TMEM245: variants seen among roughly 807,000 people sequenced by gnomAD.
TMEM245 encodes the protein transmembrane protein 245.
In TMEM245, 69 loss-of-function variants were observed where a neutral mutation model predicts 101.2. The ratio of observed to expected loss-of-function variants is 0.68; its 90% CI spans 0.56 to 0.83. The LOEUF (loss-of-function observed/expected upper bound fraction) is 0.83, where lower values mean the gene tolerates loss of function less well. Ranked by LOEUF, TMEM245 falls within the 40% of genes least tolerant of loss-of-function variation. TMEM245 has a pLI of 0.00. For synonymous variants in TMEM245, 537 were observed against 449.8 expected, an observed-to-expected ratio of 1.19 and a Z score of -2.45; for missense variants, 1,075 against 1,092.8, an observed-to-expected ratio of 0.98 and a Z score of 0.23.
chr9:109,057,829 C>T (rs1044720796), intron 11 of TMEM245, among the ~76,000 whole-genome samples: 2 of 151,800 alleles, frequency 1.3e-5, no homozygotes, highest in African/African-American at 2.4e-5. Context: ...TTCTAGGTAC[C>T]TTGTCTAAGT....
intron 16 of TMEM245, among the ~76,000 whole-genome samples, chr9:109,035,853 T>A (rs1828102073): frequency 6.6e-6 from 1 of 151,066 alleles, no homozygotes; most frequent in African/African-American, 2.4e-5. Flanking sequence ...GGAGGACTGC[T>A]TGAGCCTAGG....
intron 1 of TMEM245, among the ~76,000 whole-genome samples, chr9:109,117,340 A>G (rs1442591380): frequency 6.7e-6 from 1 of 148,194 alleles, no homozygotes; most frequent in African/African-American, 2.5e-5. Flanking sequence ...CTGGTCTTGA[A>G]CTCCTAACCT....
At chr9:109,022,870 C>T (rs1035537552) in intron 17 of TMEM245, among the ~76,000 whole-genome samples, 14 of 152,238 alleles carry the variant, frequency 9.2e-5, no homozygotes, top group African/African-American at 3.4e-4. Flanking sequence ...TCCCTGACAT[C>T]TTTTCAAATT....
rs1444723320 is a variant in TMEM245, at chr9:109,060,434, C to T, written c.1642G>A (p.Asp548Asn). ...ATTACAGCAGTATTGTTCACCTTAT[C>T]TCCTAGAATTTTATGGAGCTAGAAA... ...ITHKLHKILG[D>N]KVNNTAVIEK... is the part of the protein sequence containing the mutation. Residue 548 changes from aspartate (D) to asparagine (N), a missense_variant, in exon 11 of 18, where the codon GAT becomes AAT. Around this residue, in one of 2 missense-constraint regions of TMEM245, gnomAD observed 808 missense variants for 741.5 expected, o/e 1.09. Transcript: ENST00000374586. 6.2e-7 allele frequency: 1 copy of T among 1,612,662 alleles called. No homozygotes were observed. Among genetic ancestry groups the T allele is most frequent in the Admixed American group, 1.7e-5 (1 of 59,882 alleles).
At chr9:109,063,169 G>C (rs1829066129) in intron 10 of TMEM245, among the ~76,000 whole-genome samples, 1 of 151,818 alleles carries the variant, frequency 6.6e-6, no homozygotes, top group African/African-American at 2.4e-5. Context: ...TCTGAGAGTA[G>C]AGTGCAGTGG....
At chr9:109,088,154 T>A (rs1381939733) in intron 5 of TMEM245, among the ~76,000 whole-genome samples, 1 of 152,200 alleles carries the variant, frequency 6.6e-6, no homozygotes, top group Non-Finnish European at 1.5e-5. Context: ...GTACATAATT[T>A]CCCTAACTCT....
intron 7 of TMEM245, among the ~76,000 whole-genome samples, chr9:109,084,650 C>A (rs1282215401): frequency 6.6e-6 from 1 of 152,314 alleles, no homozygotes; most frequent in East Asian, 1.9e-4. Context: ...ACTGCTCCAG[C>A]CTGAGCAACG....
chr9:109,079,957 G>C (rs1362897786), intron 8 of TMEM245, among the ~76,000 whole-genome samples: 1 of 152,108 alleles, frequency 6.6e-6, no homozygotes, highest in Non-Finnish European at 1.5e-5. Flanking sequence ...AGAAGTACTA[G>C]AAGAGATTTT....
chr9:109,092,039 T>C (rs920849004), intron 4 of TMEM245, among the ~76,000 whole-genome samples: 2 of 152,080 alleles, frequency 1.3e-5, no homozygotes, highest in African/African-American at 2.4e-5. Context: ...AGAAAAGAAA[T>C]AAGAACTCCC....
chr9:109,018,155 TA>T lies in TMEM245; in HGVS notation c.*2304del, dbSNP rs1004359834. ...TTTTTGCAATATCACTTTATACAGC[TA>T]AAATCACTTTGTATATGTATAGTAA... is the stretch of plus-strand genomic sequence containing the variant. On this transcript the variant is annotated 3_prime_UTR_variant, in exon 18 of 18. Transcript: ENST00000374586. 30 of 152,254 alleles carry T rather than the reference TA, an allele frequency of 2.0e-4. No individual in the cohort carries two copies. Among genetic ancestry groups the T allele is most frequent in the Admixed American group, 6.5e-5 (1 of 15,290 alleles). The allele number at this position is 152,254 out of a possible 1,614,324, so 9.4% of individuals were successfully genotyped here.
At chr9:109,088,523 C>G (rs1829906190) in intron 5 of TMEM245, among the ~76,000 whole-genome samples, 1 of 151,736 alleles carries the variant, frequency 6.6e-6, no homozygotes, top group South Asian at 2.1e-4. Context: ...ATAAAATCAT[C>G]TGGAAAAAAA....
In TMEM245 at chr9:109,091,042, T is replaced by C; in HGVS notation, c.1030A>G (p.Thr344Ala). Residue 344 changes from threonine (T) to alanine (A), a missense_variant, in exon 5 of 18, where the codon ACG becomes GCG. This residue lies in a region of TMEM245 where 808 missense variants were observed against 741.5 expected (regional missense o/e 1.09). Coordinates refer to ENST00000374586, the MANE Select transcript of TMEM245 (RefSeq NM_032012.4). ...CTAGTTTTCTTCTTTCTAAGAAACG[T>C]TCCTATTTCAGGCCTTCGTCTGCCC... is the stretch of plus-strand genomic sequence containing the variant. ...TLGRRRPEIGTFLRKKKTSDI... is the reference protein window; with the variant it reads ...TLGRRRPEIGAFLRKKKTSDI... The C allele has an allele frequency of 6.2e-7, 1 of 1,614,156 alleles. No homozygotes were observed. The highest frequency in any genetic ancestry group is 8.5e-7 in the Non-Finnish European group (1 of 1,180,024).
chr9:109,096,628 G>A (rs149122191), intron 3 of TMEM245, among the ~76,000 whole-genome samples: 75 of 152,130 alleles, frequency 4.9e-4, no homozygotes, highest in African/African-American at 1.7e-3. Flanking sequence ...GCAAAGTTTG[G>A]GAACACCTAA....
rs1225252776 is a variant in TMEM245 at position 109,119,894 on chromosome 9, G to C, written c.20C>G (p.Pro7Arg). ...GCTCCGCAGGCTTGGCGCGTCCTTA[G>C]GGCCGCCGCCGTCGGCCATCGTTCC... is the stretch of plus-strand genomic sequence containing the variant. MADGGGPKDAPSLRSSP... is the reference protein window; with the variant it reads MADGGGRKDAPSLRSSP... Residue 7 changes from proline (P) to arginine (R), a missense_variant, in exon 1 of 18, where the codon CCT becomes CGT. Physicochemically the swap from Pro to Arg is moderately radical, Grantham distance 103. Coordinates refer to ENST00000374586, the MANE Select transcript of TMEM245 (RefSeq NM_032012.4). 6 of 1,273,022 alleles carry C rather than the reference G, an allele frequency of 4.7e-6. No homozygotes were observed. The African/African-American group carries it at 6.2e-5, about 13-fold the overall frequency. 78.9% of individuals were successfully genotyped at this position (1,273,022 alleles called of 1,614,324 possible). A position where few individuals can be genotyped will look rare whatever the true frequency, so the allele number is the denominator to read the frequency against.
intron 9 of TMEM245, 82 bp downstream of exon 9, chr9:109,073,274 G>A (rs1002651759): frequency 4.0e-6 from 4 of 995,724 alleles, no homozygotes; most frequent in Admixed American, 1.7e-5. Flanking sequence ...CAATGCAGCT[G>A]CATCAATGAA....
chr9:109,081,792 G>A lies in TMEM245; in HGVS notation c.1345-849C>T, dbSNP rs541610667. On this transcript the variant is annotated intron_variant, in intron 7 of 17. Transcript: ENST00000374586. ...CAATGTAGTAGCTGTTTCTTAATCAGTTATTAAAACTGTGCTTTCCCTAAA... is the reference window on the plus strand; with the variant it reads ...CAATGTAGTAGCTGTTTCTTAATCAATTATTAAAACTGTGCTTTCCCTAAA... 2.6e-5 allele frequency among the ~76,000 whole-genome samples: 4 copies of A among 152,242 alleles called. 1 individual carries two copies. Among genetic ancestry groups the A allele is most frequent in the African/African-American group, 9.6e-5 (4 of 41,550 alleles).
rs1253758594 is a variant in TMEM245 at position 109,019,328 on chromosome 9, G to A, written c.*1132C>T. ...ATCCTACTACACTTTACGACTTTGA[G>A]TTGGTCACTTTTCTGAACCTTAGCT... On this transcript the variant is annotated 3_prime_UTR_variant, in exon 18 of 18. Transcript: ENST00000374586. The A allele has an allele frequency of 6.6e-6, 1 of 151,678 alleles. No individual in the cohort carries two copies. Among genetic ancestry groups the A allele is most frequent in the Non-Finnish European group, 1.5e-5 (1 of 68,040 alleles). The allele number at this position is 151,678 out of a possible 1,614,324, so 9.4% of individuals were successfully genotyped here. A position where few individuals can be genotyped will look rare whatever the true frequency, so the allele number is the denominator to read the frequency against.
intron 11 of TMEM245, among the ~76,000 whole-genome samples, chr9:109,057,525 G>A (rs950637189): frequency 2.8e-4 from 42 of 152,176 alleles, no homozygotes; most frequent in African/African-American, 9.4e-4. Context: ...GGCCGAGGCA[G>A]GTGGATCACA....
chr9:109,046,622 A>G lies in TMEM245; in HGVS notation c.2123+3661T>C, dbSNP rs575550469. Among the ~76,000 whole-genome samples, 10 of 152,266 alleles carry G rather than the reference A, an allele frequency of 6.6e-5. No individual in the cohort carries two copies. In the East Asian group the frequency reaches 1.9e-3, roughly 29 times the overall value. On this transcript the variant is annotated intron_variant, in intron 14 of 17. Transcript: ENST00000374586. ...ACCCCCAATTTCAATTCCATTTTTGACTTATTCACAGATCATATAAATGAA... is the reference window on the plus strand; with the variant it reads ...ACCCCCAATTTCAATTCCATTTTTGGCTTATTCACAGATCATATAAATGAA...
Sources: allele counts gnomAD v4.1 joint callset (sites outside exome capture counted in the v4.1 genomes callset), GRCh38; gene constraint gnomAD v4.1.1; regional missense constraint gnomAD v4.1.1; transcripts MANE v1.5; gene names NCBI Gene and HGNC (gene_info 2026-07-23, HGNC 2026-07-21).